Variants in EPC2 observed in about 807,000 individuals in gnomAD.
EPC2 encodes enhancer of polycomb 2, also known as enhancer of polycomb homolog 2.
Under a neutral mutation model 92.1 loss-of-function variants are expected in EPC2, and 14 were observed. The observed-to-expected ratio is 0.15, with a 90% CI of 0.10 to 0.24. EPC2 has a LOEUF of 0.24. Among genes scored for constraint, EPC2 ranks in the 10% least tolerant of loss-of-function variants. EPC2 has a pLI of 1.00. For synonymous variants in EPC2, 340 were observed against 334.7 expected (o/e 1.02, Z -0.17); for missense variants, 755 against 971.5 (o/e 0.78, Z 2.96).
At chr2:148,731,214 A>G (rs568877829) in intron 2 of EPC2, among the ~76,000 whole-genome samples, 3 of 152,324 alleles carry the variant, frequency 2.0e-5, no homozygotes, top group Non-Finnish European at 4.4e-5. Context: ...GAAAAGTTAT[A>G]TAAGAAAGGA....
intron 10 of EPC2, among the ~76,000 whole-genome samples, chr2:148,780,885 A>G (rs1179154094): frequency 6.6e-6 from 1 of 152,154 alleles, no homozygotes; most frequent in Non-Finnish European, 1.5e-5. Flanking sequence ...AACGAATGAA[A>G]TTTTGTTTAC....
intron 1 of EPC2, among the ~76,000 whole-genome samples, chr2:148,656,024 TGGGG>T (rs71411354): frequency 1.5e-4 from 17 of 111,724 alleles, no homozygotes; most frequent in Admixed American, 2.7e-4. Context: ...TGTGTGTGTG[TGGGG>T]GGGGGGGGGG....
At chr2:148,774,076 A>G (rs1320788898) in intron 10 of EPC2, among the ~76,000 whole-genome samples, 1 of 152,230 alleles carries the variant, frequency 6.6e-6, no homozygotes, top group Non-Finnish European at 1.5e-5. Context: ...CTAGCAGAGA[A>G]TAACACTGAG....
At chr2:148,769,710 C>T (rs1317418940) in intron 8 of EPC2, among the ~76,000 whole-genome samples, 1 of 152,096 alleles carries the variant, frequency 6.6e-6, no homozygotes, top group East Asian at 1.9e-4. Context: ...TAATTGTATT[C>T]ATAACTTTTT....
At chr2:148,665,202 A>G (rs1049725649) in intron 1 of EPC2, among the ~76,000 whole-genome samples, 3 of 152,212 alleles carry the variant, frequency 2.0e-5, no homozygotes, top group African/African-American at 7.2e-5. Flanking sequence ...GTTTTCATAT[A>G]TAGGTATCTT....
rs187821019 is a variant in EPC2, at chr2:148,779,792, A to G, written c.1721-1852A>G. The stretch of plus-strand genomic sequence containing the variant: ...CTGTGCCTCTCACCTTTTCACCAGA[A>G]CATAAAGCTCAACTCTGGACACACT... On this transcript the variant is annotated intron_variant, in intron 10 of 13. Transcript: ENST00000258484. Among the ~76,000 whole-genome samples the G allele has an allele frequency of 3.9e-5, 6 of 152,296 alleles. No individual in the cohort carries two copies. The Middle Eastern group carries it at 0.01, about 259-fold the overall frequency.
intron 1 of EPC2, among the ~76,000 whole-genome samples, chr2:148,660,464 T>C (rs552304572): frequency 6.6e-6 from 1 of 152,146 alleles, no homozygotes; most frequent in African/African-American, 2.4e-5. Flanking sequence ...TCTTGTGTGC[T>C]GAGCATCAAT....
intron 10 of EPC2, among the ~76,000 whole-genome samples, chr2:148,775,672 T>TAAATTTAATTTAATTAAATA (rs1243419349): frequency 6.1e-5 from 9 of 148,016 alleles, no homozygotes; most frequent in East Asian, 1.9e-4. Context: ...TAAATAAAAT[T>TAAATTTAATTTAATTAAATA]AAATTTAATT....
intron 2 of EPC2, among the ~76,000 whole-genome samples, chr2:148,709,402 A>G (rs1458112851): frequency 1.3e-5 from 2 of 152,168 alleles, no homozygotes; most frequent in South Asian, 2.1e-4. Flanking sequence ...TCAATATCGT[A>G]AAAATGGCCA....
rs1683755461 is a variant in EPC2 at position 148,644,779 on chromosome 2, C to T, written c.-239C>T. On this transcript the variant is annotated 5_prime_UTR_variant, in exon 1 of 14. The change creates a premature stop within an existing upstream ORF in the 5' untranslated region. Coordinates refer to ENST00000258484, the MANE Select transcript of EPC2 (RefSeq NM_015630.4). ...AATGTCCGCCATGTTGGCCATGGCG[C>T]AGGGAGCGGATCGGGCGGGCGAGCG... is the stretch of plus-strand genomic sequence containing the variant. 4.7e-6 allele frequency: 2 copies of T among 427,144 alleles called. No homozygotes were observed. The highest frequency in any genetic ancestry group is 8.3e-6 in the Non-Finnish European group (2 of 241,368). The allele number at this position is 427,144 out of a possible 1,614,324, so 26.5% of individuals were successfully genotyped here.
chr2:148,691,197 C>A (rs1392134362), intron 2 of EPC2, among the ~76,000 whole-genome samples: 1 of 152,158 alleles, frequency 6.6e-6, no homozygotes, highest in Non-Finnish European at 1.5e-5. Context: ...TATCTCCTGT[C>A]CCTATACTCT....
intron 2 of EPC2, among the ~76,000 whole-genome samples, chr2:148,713,423 T>G (rs1682194834): frequency 6.6e-6 from 1 of 152,214 alleles, no homozygotes; most frequent in African/African-American, 2.4e-5. Context: ...GTATACTGTT[T>G]TAGCTGTGGT....
chr2:148,765,767 G>A (rs907109841), intron 7 of EPC2, among the ~76,000 whole-genome samples: 4 of 152,140 alleles, frequency 2.6e-5, no homozygotes, highest in Admixed American at 2.6e-4. Context: ...GCCAGGCGTG[G>A]TGGCTCACTC....
intron 2 of EPC2, among the ~76,000 whole-genome samples, chr2:148,729,300 A>G (rs1574608821): frequency 6.6e-6 from 1 of 152,278 alleles, no homozygotes; most frequent in East Asian, 1.9e-4. Context: ...GAAAAATTAC[A>G]TACCTCAGAG....
chr2:148,665,236 G>C (rs752888727), intron 1 of EPC2, among the ~76,000 whole-genome samples: 18 of 152,144 alleles, frequency 1.2e-4, no homozygotes, highest in Non-Finnish European at 2.4e-4. Context: ...TGGGTTATCT[G>C]TCTACCCTTA....
At chr2:148,709,224 T>A (rs1574596302) in intron 2 of EPC2, among the ~76,000 whole-genome samples, 1 of 152,196 alleles carries the variant, frequency 6.6e-6, no homozygotes, top group Non-Finnish European at 1.5e-5. Flanking sequence ...GGCCAAATCA[T>A]GAGGGAACTC....
intron 3 of EPC2, 86 bp downstream of exon 3, chr2:148,743,853 TTTC>T: frequency 9.5e-7 from 1 of 1,047,494 alleles, no homozygotes; most frequent in Non-Finnish European, 1.3e-6. Flanking sequence ...CATTTTACTG[TTTC>T]TTGGATTTCT....
At chr2:148,647,619 C>CTTTTTT (rs55731814) in intron 1 of EPC2, among the ~76,000 whole-genome samples, 5 of 63,730 alleles carry the variant, frequency 7.8e-5, no homozygotes, top group African/African-American at 3.2e-4. Flanking sequence ...GCCTTGCAGA[C>CTTTTTT]TTTTTTTTTT....
At chr2:148,674,914 A>G (rs771375080) in intron 1 of EPC2, among the ~76,000 whole-genome samples, 11 of 151,966 alleles carry the variant, frequency 7.2e-5, no homozygotes, top group African/African-American at 2.4e-4. Flanking sequence ...TGCTCCCTTT[A>G]CTGGTTTGTA....
Sources: allele counts gnomAD v4.1 joint callset (sites outside exome capture counted in the v4.1 genomes callset), GRCh38; gene constraint gnomAD v4.1.1; transcripts MANE v1.5; gene names NCBI Gene and HGNC (gene_info 2026-07-23, HGNC 2026-07-21).